The following MAP4K5 variants were observed in gnomAD, a reference collection of about 807,000 sequenced individuals.
The protein encoded by MAP4K5 is mitogen-activated protein kinase kinase kinase kinase 5.
MAP4K5 carries 82 observed loss-of-function variants against 135.6 expected under a neutral mutation model. That is an observed-to-expected ratio of 0.60 (90% confidence interval 0.51 to 0.73). The LOEUF is 0.73. Ranked by LOEUF, MAP4K5 falls within the 30% of genes least tolerant of loss-of-function variation. MAP4K5 has a pLI of 0.00. For synonymous variants in MAP4K5, 347 were observed against 335.0 expected (o/e 1.04, Z -0.39); for missense variants, 907 against 1,010.9 (o/e 0.90, Z 1.39).
At chr14:50,428,342 G>T (rs1595419969) in intron 30 of MAP4K5, among the ~76,000 whole-genome samples, 2 of 151,638 alleles carry the variant, frequency 1.3e-5, no homozygotes, top group Admixed American at 6.6e-5. Context: ...TGCAACCTCC[G>T]CCTCGCGGGT....
At chr14:50,445,304 G>T in intron 17 of MAP4K5, 110 bp from the exon 18 acceptor site, 1 of 906,918 alleles carries the variant, frequency 1.1e-6, no homozygotes, top group Non-Finnish European at 1.6e-6. Flanking sequence ...TCAATTCACT[G>T]GGCTAAGTGA....
At chr14:50,560,070 G>T in intron 1 of MAP4K5, 1 of 639,990 alleles carries the variant, frequency 1.6e-6, no homozygotes. Flanking sequence ...GGCTTGTGAT[G>T]CTGAGCTTGG....
At chr14:50,522,953 C>G (rs1386287317) in intron 2 of MAP4K5, among the ~76,000 whole-genome samples, 1 of 152,136 alleles carries the variant, frequency 6.6e-6, no homozygotes, top group Non-Finnish European at 1.5e-5. Flanking sequence ...TCTTTGCTTA[C>G]AAATTCATGC....
chr14:50,434,747 T>C (rs992674420), intron 27 of MAP4K5, among the ~76,000 whole-genome samples, 176 bp from the exon 28 acceptor site: 6 of 152,198 alleles, frequency 3.9e-5, no homozygotes, highest in Non-Finnish European at 8.8e-5. Context: ...TTTAGATAAT[T>C]AGCCATATTA....
chr14:50,467,328 C>G (rs2036854543), intron 10 of MAP4K5, among the ~76,000 whole-genome samples: 2 of 151,834 alleles, frequency 1.3e-5, no homozygotes, highest in Non-Finnish European at 2.9e-5. Context: ...ATACATTTTT[C>G]CTTTCTAAAA....
chr14:50,553,220 G>A lies in MAP4K5; in HGVS notation c.-180+7820C>T, dbSNP rs147999121. 6.8e-3 allele frequency among the ~76,000 whole-genome samples: 1,023 copies of A among 149,798 alleles called. 15 individuals carry two copies. Among genetic ancestry groups the A allele is most frequent in the African/African-American group, 0.023 (955 of 40,742 alleles). ...CTGAAGCAGGAGAATGCAGTGAGCC[G>A]AGATCGTGCCACTGCACTCCAGCCT... On this transcript the variant is annotated intron_variant, in intron 1 of 8. Transcript: ENST00000555216.
At chr14:50,481,062 GTT>G (rs761500794) in intron 6 of MAP4K5, among the ~76,000 whole-genome samples, 1 of 141,040 alleles carries the variant, frequency 7.1e-6, no homozygotes, top group African/African-American at 2.6e-5. Flanking sequence ...ATTCGACTTT[GTT>G]TTTTTTTTTT....
In MAP4K5 at chr14:50,448,822, T is replaced by C. The variant is rs369804876; in HGVS notation, c.1026A>G (p.Leu342=). 47 of 1,546,708 alleles carry C rather than the reference T, an allele frequency of 3.0e-5. No homozygotes were observed. Among genetic ancestry groups the C allele is most frequent in the Non-Finnish European group, 3.8e-5 (43 of 1,135,802 alleles). ...RTASEINFDK[L]QFEPPLRKET... is the part of the protein sequence containing the mutation. Reference sequence around the variant, plus strand: ...CTTTTCTCAGAGGAGGTTCAAATTGTAATTTGTCAACTGCAAAATATATAA... The same window carrying C: ...CTTTTCTCAGAGGAGGTTCAAATTGCAATTTGTCAACTGCAAAATATATAA... The change falls in exon 15 of 33, where the codon TTA becomes TTG. Residue 342 remains leucine, a synonymous_variant. Coordinates refer to ENST00000682126, the MANE Select transcript of MAP4K5 (RefSeq NM_006575.6).
intron 3 of MAP4K5, among the ~76,000 whole-genome samples, chr14:50,502,087 A>C (rs2037717985): frequency 6.6e-6 from 1 of 152,184 alleles, no homozygotes; most frequent in Non-Finnish European, 1.5e-5. Context: ...AAGATGATCA[A>C]CACTTCTGTC....
At chr14:50,519,656 AAAAT>A (rs1429049479) in intron 2 of MAP4K5, among the ~76,000 whole-genome samples, 1 of 152,032 alleles carries the variant, frequency 6.6e-6, no homozygotes, top group African/African-American at 2.4e-5. Context: ...TCCATCTCAA[AAAAT>A]AAATAAAATA....
At chr14:50,511,247 C>T (rs1426265884) in intron 2 of MAP4K5, among the ~76,000 whole-genome samples, 1 of 152,056 alleles carries the variant, frequency 6.6e-6, no homozygotes, top group Non-Finnish European at 1.5e-5. Flanking sequence ...GAAATGCTGC[C>T]ATTTGAGGAA....
chr14:50,526,433 T>C (rs1057079912), intron 2 of MAP4K5, among the ~76,000 whole-genome samples: 3 of 152,160 alleles, frequency 2.0e-5, no homozygotes, highest in Admixed American at 1.3e-4. Context: ...GTAGCTGGGA[T>C]TATAGGCACC....
chr14:50,488,641 G>T (rs1032751142), intron 3 of MAP4K5, among the ~76,000 whole-genome samples: 1 of 152,126 alleles, frequency 6.6e-6, no homozygotes, highest in South Asian at 2.1e-4. Flanking sequence ...AGTAGTTTGA[G>T]TTCTGGGTTC....
In MAP4K5 at chr14:50,443,255, C is replaced by G. The variant is rs925430305; in HGVS notation, c.1480-439G>C. ...TAGACTTTCACTGAATAAAAAAGGA[C>G]AATGTATAAAGCATCCCATTCATAC... On this transcript the variant is annotated intron_variant, in intron 20 of 32. Transcript: ENST00000682126. 7.5e-4 allele frequency among the ~76,000 whole-genome samples: 114 copies of G among 152,198 alleles called. 1 individual carries two copies. The highest frequency in any genetic ancestry group is 2.6e-3 in the African/African-American group (108 of 41,540).
chr14:50,544,354 G>A (rs890340843), intron 1 of MAP4K5, among the ~76,000 whole-genome samples: 3 of 152,174 alleles, frequency 2.0e-5, no homozygotes, highest in African/African-American at 7.2e-5. Flanking sequence ...CTTCCAAGTG[G>A]CTATGTCCAT....
intron 1 of MAP4K5, among the ~76,000 whole-genome samples, chr14:50,552,980 G>A (rs1202692504): frequency 1.3e-5 from 2 of 152,048 alleles, no homozygotes; most frequent in Non-Finnish European, 2.9e-5. Context: ...GAATCCGAAA[G>A]CAAATGCAAC....
At chr14:50,456,364 C>A in intron 14 of MAP4K5, 152 bp downstream of exon 14, 1 of 616,310 alleles carries the variant, frequency 1.6e-6, no homozygotes. Flanking sequence ...GGAATTCCAT[C>A]GAAACCAGAA....
chr14:50,546,905 G>GC (rs2063169502), intron 1 of MAP4K5, among the ~76,000 whole-genome samples: 1 of 151,962 alleles, frequency 6.6e-6, no homozygotes, highest in Non-Finnish European at 1.5e-5. Flanking sequence ...TGTTACATAG[G>GC]CATACACGTG....
At chr14:50,496,593 CA>C (rs1285732800) in intron 3 of MAP4K5, among the ~76,000 whole-genome samples, 10 of 151,884 alleles carry the variant, frequency 6.6e-5, no homozygotes, top group African/African-American at 2.4e-4. Context: ...ATTGAAGCCT[CA>C]ACCTCCTGGG....
Sources: gnomAD v4.1 joint callset for allele counts (sites outside exome capture counted in the v4.1 genomes callset) on GRCh38, gnomAD v4.1.1 for gene constraint, MANE v1.5 for transcripts, NCBI Gene and HGNC (gene_info 2026-07-23, HGNC 2026-07-21) for gene names.